Variants in SDK1 observed in about 807,000 individuals in gnomAD.
SDK1 encodes sidekick cell adhesion molecule 1, also known as protein sidekick-1.
A neutral mutation model predicts 245.5 loss-of-function variants in SDK1; 157 were observed. The ratio of observed to expected loss-of-function variants is 0.64; its 90% CI spans 0.56 to 0.73. SDK1 has a LOEUF of 0.73. SDK1 is among the 30% of genes least tolerant of loss of function. SDK1 has a pLI of 0.00. For synonymous variants in SDK1, 1,647 were observed against 1,278.5 expected, an observed-to-expected ratio of 1.29 and a Z score of -6.15; for missense variants, 3,583 against 3,002.3, an observed-to-expected ratio of 1.19 and a Z score of -4.52.
At chr7:4,053,552 C>A (rs776440464) in intron 19 of SDK1, among the ~76,000 whole-genome samples, 1 of 152,126 alleles carries the variant, frequency 6.6e-6, no homozygotes, top group African/African-American at 2.4e-5. Flanking sequence ...GACTGTGCTG[C>A]CCCTGGAGCT....
At chr7:3,334,295 T>C (rs922179822) in intron 1 of SDK1, among the ~76,000 whole-genome samples, 3 of 152,224 alleles carry the variant, frequency 2.0e-5, no homozygotes, top group African/African-American at 7.2e-5. Flanking sequence ...GGTTGACTTG[T>C]TTGCTGATGA....
intron 4 of SDK1, among the ~76,000 whole-genome samples, chr7:3,701,578 G>A (rs954289848): frequency 2.0e-5 from 3 of 152,122 alleles, no homozygotes; most frequent in African/African-American, 7.2e-5. Flanking sequence ...TAGCTTGGGT[G>A]ATAGAGCGAG....
chr7:3,586,986 C>T (rs1256309508), intron 1 of SDK1, among the ~76,000 whole-genome samples: 1 of 152,082 alleles, frequency 6.6e-6, no homozygotes, highest in Non-Finnish European at 1.5e-5. Flanking sequence ...AAGCAGACAG[C>T]ATAGTGCTAA....
At chr7:3,392,355 T>G (rs922217979) in intron 1 of SDK1, among the ~76,000 whole-genome samples, 2 of 152,188 alleles carry the variant, frequency 1.3e-5, no homozygotes, top group African/African-American at 2.4e-5. Context: ...TTGTCAAATC[T>G]TTGTCCAATT....
chr7:3,655,729 T>G (rs1783162644), intron 4 of SDK1, among the ~76,000 whole-genome samples: 1 of 151,748 alleles, frequency 6.6e-6, no homozygotes, highest in Non-Finnish European at 1.5e-5. Flanking sequence ...TGGATGAATA[T>G]ATAAATAATA....
intron 1 of SDK1, among the ~76,000 whole-genome samples, chr7:3,488,909 G>A (rs1781784590): frequency 1.1e-5 from 1 of 92,478 alleles, no homozygotes; most frequent in South Asian, 4.2e-4. Flanking sequence ...CCCTCCGTGT[G>A]TGTGTGTGTG....
chr7:3,607,416 T>G (rs1047377196), intron 1 of SDK1, among the ~76,000 whole-genome samples: 1 of 152,246 alleles, frequency 6.6e-6, no homozygotes, highest in African/African-American at 2.4e-5. Flanking sequence ...ATATATTTTC[T>G]TTGTTTCCTG....
rs960916110 is a variant in SDK1, at chr7:4,210,778, C to T, written c.5539+616C>T. Among the ~76,000 whole-genome samples, 8 of 152,232 alleles carry T rather than the reference C, an allele frequency of 5.3e-5. No individual in the cohort carries two copies. In the South Asian group the frequency reaches 1.0e-3, roughly 20 times the overall value. ...GTTTATCAGGTCCCTGGCTTTCCTGCGTCCAGGCAGTTCCTATTCCAGGGC... is the reference window on the plus strand; with the variant it reads ...GTTTATCAGGTCCCTGGCTTTCCTGTGTCCAGGCAGTTCCTATTCCAGGGC... On this transcript the variant is annotated intron_variant, in intron 38 of 44. Transcript: ENST00000404826.
intron 1 of SDK1, among the ~76,000 whole-genome samples, chr7:3,463,656 T>C (rs1583894746): frequency 6.6e-6 from 1 of 152,308 alleles, no homozygotes; most frequent in East Asian, 1.9e-4. Context: ...TTAAACTACT[T>C]TATATCCCTC....
intron 4 of SDK1, among the ~76,000 whole-genome samples, chr7:3,811,110 T>G (rs1779372447): frequency 6.6e-6 from 1 of 152,230 alleles, no homozygotes; most frequent in Non-Finnish European, 1.5e-5. Context: ...GATTCAGACT[T>G]AGCGTACATG....
chr7:3,592,531 A>G (rs1171234131), intron 1 of SDK1, among the ~76,000 whole-genome samples: 3 of 152,008 alleles, frequency 2.0e-5, no homozygotes, highest in East Asian at 3.9e-4. Flanking sequence ...CTGTTTGTGT[A>G]TTGCTGCTGA....
intron 28 of SDK1, 200 bp downstream of exon 28, chr7:4,132,623 G>A: frequency 2.0e-6 from 1 of 496,336 alleles, no homozygotes; most frequent in South Asian, 2.2e-5. Flanking sequence ...AGCTACTTGG[G>A]AGGCTAAGGT....
chr7:3,514,151 T>C (rs779091512), intron 1 of SDK1, among the ~76,000 whole-genome samples: 1 of 152,160 alleles, frequency 6.6e-6, no homozygotes, highest in African/African-American at 2.4e-5. Flanking sequence ...TCAGAGCAAA[T>C]GTCTTTAGAC....
At chr7:4,035,553 A>G (rs530104473) in intron 17 of SDK1, among the ~76,000 whole-genome samples, 1 of 152,280 alleles carries the variant, frequency 6.6e-6, no homozygotes, top group African/African-American at 2.4e-5. Context: ...TTGCATGAGT[A>G]TTGTGGGGCT....
chr7:3,742,773 CAA>C (rs1779513355), intron 4 of SDK1, among the ~76,000 whole-genome samples: 1 of 152,020 alleles, frequency 6.6e-6, no homozygotes. Context: ...GTCACAGAAC[CAA>C]AGAGGGTGGA....
At chr7:3,385,289 A>G (rs753232262) in intron 1 of SDK1, among the ~76,000 whole-genome samples, 1 of 152,214 alleles carries the variant, frequency 6.6e-6, no homozygotes, top group African/African-American at 2.4e-5. Flanking sequence ...ATTGGAAGGT[A>G]CGCTGTGAAT....
rs529337717 is a variant in SDK1, at chr7:3,444,900, A to G, written c.298+143016A>G. On this transcript the variant is annotated intron_variant, in intron 1 of 44. Transcript: ENST00000404826. Reference sequence around the variant, plus strand: ...TTTCACAAACAAAAATGTAAGGTCTATGTGATGTAGAGTAATAAGATAAGA... The same window carrying G: ...TTTCACAAACAAAAATGTAAGGTCTGTGTGATGTAGAGTAATAAGATAAGA... Among the ~76,000 whole-genome samples, 12 of 152,348 alleles carry G rather than the reference A, an allele frequency of 7.9e-5. No homozygotes were observed. The South Asian group carries it at 8.3e-4, about 11-fold the overall frequency.
chr7:4,127,549 G>A, intron 26 of SDK1, 53 bp downstream of exon 26: 1 of 1,318,560 alleles, frequency 7.6e-7, no homozygotes, highest in Non-Finnish European at 1.1e-6. Flanking sequence ...CTGGGGAAAT[G>A]GGAGCATGTG....
intron 14 of SDK1, among the ~76,000 whole-genome samples, chr7:3,990,482 A>G (rs1288232042): frequency 3.9e-5 from 6 of 152,218 alleles, no homozygotes; most frequent in African/African-American, 1.4e-4. Context: ...ATAACTTCTG[A>G]GAGTACAGAA....
Sources: allele counts gnomAD v4.1 joint callset (sites outside exome capture counted in the v4.1 genomes callset), GRCh38; gene constraint gnomAD v4.1.1; transcripts MANE v1.5; gene names NCBI Gene and HGNC (gene_info 2026-07-23, HGNC 2026-07-21).